Variants in GLIS1 observed in about 807,000 individuals in gnomAD.
The protein encoded by GLIS1 is GLIS family zinc finger 1, also known as zinc finger protein GLIS1.
In GLIS1, 24 loss-of-function variants were observed where a neutral mutation model predicts 63.8. The ratio of observed to expected loss-of-function variants is 0.38; its 90% confidence interval spans 0.27 to 0.53. GLIS1 has a LOEUF of 0.53. GLIS1 is among the 20% of genes least tolerant of loss of function. GLIS1 has a pLI of 0.85. For synonymous variants in GLIS1, 450 were observed against 482.5 expected (o/e 0.93, Z 0.88); for missense variants, 1,036 against 1,074.1 (o/e 0.96, Z 0.50).
chr1:53,715,667 C>T lies in GLIS1; in HGVS notation c.259+22139G>A, dbSNP rs527741652. 8.5e-5 allele frequency among the ~76,000 whole-genome samples: 13 copies of T among 152,114 alleles called. 1 individual carries two copies. In the South Asian group the frequency reaches 1.7e-3, roughly 20 times the overall value. ...CTGAGGCAGGGACGCCAGCAGGGGGCGGCAAGAAGGAGCTGCCGGTGCAGG... is the reference window on the plus strand; with the variant it reads ...CTGAGGCAGGGACGCCAGCAGGGGGTGGCAAGAAGGAGCTGCCGGTGCAGG... On this transcript the variant is annotated intron_variant, in intron 2 of 10. Coordinates refer to ENST00000628545, the MANE Select transcript of GLIS1 (RefSeq NM_001367484.1).
chr1:53,643,679 C>T (rs910669769), intron 2 of GLIS1, among the ~76,000 whole-genome samples: 2 of 152,172 alleles, frequency 1.3e-5, no homozygotes, highest in Admixed American at 6.5e-5. Flanking sequence ...TTCCACACCA[C>T]GAACATGAGC....
chr1:53,735,298 T>C (rs182150682), intron 2 of GLIS1, among the ~76,000 whole-genome samples: 119 of 152,340 alleles, frequency 7.8e-4, no homozygotes, highest in Non-Finnish European at 1.3e-3. Flanking sequence ...TTATCTCAAG[T>C]GTCACTGACC....
At chr1:53,738,338 C>T (rs1377869635) in intron 1 of GLIS1, among the ~76,000 whole-genome samples, 1 of 152,176 alleles carries the variant, frequency 6.6e-6, no homozygotes, top group African/African-American at 2.4e-5. Flanking sequence ...CCCAGGCCCC[C>T]GCGCCGCGGC....
intron 2 of GLIS1, among the ~76,000 whole-genome samples, chr1:53,651,135 T>C (rs1164412444): frequency 1.3e-5 from 2 of 152,222 alleles, no homozygotes; most frequent in Non-Finnish European, 2.9e-5. Context: ...TTATAATAAA[T>C]AGTTTGCACA....
rs1357994668 is a variant in GLIS1, at chr1:53,639,970, TAAC to T, written c.260-39695_260-39693del. On this transcript the variant is annotated intron_variant, in intron 2 of 10. Transcript: ENST00000628545. This position sits in a 1 kb window ranked among gnomAD's most constrained non-coding sequence, Gnocchi z 4.6. ...TCCACAGAAACAGGGATACTACACT[TAAC>T]AAACACGAGCATGGTGAGATTTAAA... is the stretch of plus-strand genomic sequence containing the variant. 2.0e-5 allele frequency among the ~76,000 whole-genome samples: 3 copies of T among 152,322 alleles called. No homozygotes were observed. The East Asian group carries it at 5.8e-4, about 29-fold the overall frequency.
At chr1:53,614,671 AG>A (rs937652831) in intron 2 of GLIS1, among the ~76,000 whole-genome samples, 1 of 152,192 alleles carries the variant, frequency 6.6e-6, no homozygotes, top group African/African-American at 2.4e-5. Context: ...CTTTGGGATT[AG>A]GGGTGTTAAA....
At chr1:53,558,182 C>T (rs938973487) in intron 4 of GLIS1, among the ~76,000 whole-genome samples, 2 of 152,208 alleles carry the variant, frequency 1.3e-5, no homozygotes, top group African/African-American at 2.4e-5. Context: ...TGCAACAGCA[C>T]GCAGGTGGGG....
intron 4 of GLIS1, among the ~76,000 whole-genome samples, chr1:53,548,002 A>G (rs1644721629): frequency 6.6e-6 from 1 of 152,022 alleles, no homozygotes; most frequent in Non-Finnish European, 1.5e-5. Flanking sequence ...ACAAATATTT[A>G]TTTTTCAAAA....
chr1:53,575,572 T>G (rs1287112027), intron 4 of GLIS1, among the ~76,000 whole-genome samples: 1 of 152,202 alleles, frequency 6.6e-6, no homozygotes, highest in East Asian at 1.9e-4. Flanking sequence ...CCTCAGGGTA[T>G]CCATCCCGTG....
At position 53,716,446 on chromosome 1, in the gene GLIS1, T is replaced by C. The variant is rs975987368; in HGVS notation, c.259+21360A>G. Among the ~76,000 whole-genome samples the C allele has an allele frequency of 2.0e-5, 3 of 152,146 alleles. No homozygotes were observed. In the South Asian group the frequency reaches 6.2e-4, roughly 32 times the overall value. On this transcript the variant is annotated intron_variant, in intron 2 of 10. Transcript: ENST00000628545. ...TATGGCCAGAGAGTCATCATCGGCA[T>C]GTCAGGAAAACCCTCAACCTGAAAG...
At chr1:53,614,005 A>G (rs1645452292) in intron 2 of GLIS1, among the ~76,000 whole-genome samples, 1 of 152,222 alleles carries the variant, frequency 6.6e-6, no homozygotes, top group South Asian at 2.1e-4. Flanking sequence ...AGGATTCAAA[A>G]TTCCATATAC....
intron 4 of GLIS1, among the ~76,000 whole-genome samples, chr1:53,570,220 A>T (rs759862270): frequency 6.6e-6 from 1 of 152,006 alleles, no homozygotes; most frequent in Non-Finnish European, 1.5e-5. Context: ...GGGCTCAAGC[A>T]ATCTTCCTAC....
At chr1:53,591,352 G>C (rs770881497) in intron 4 of GLIS1, among the ~76,000 whole-genome samples, 133 of 152,262 alleles carry the variant, frequency 8.7e-4, no homozygotes, top group Middle Eastern at 3.4e-3. Context: ...CCGAAGCCCA[G>C]ATCACTGCTG....
Position 53,646,998 on chromosome 1 carries a change from A to AAGGG in GLIS1, c.260-46724_260-46721dup, listed in dbSNP as rs948234745. 1.3e-5 allele frequency among the ~76,000 whole-genome samples: 2 copies of AAGGG among 150,940 alleles called. No homozygotes were observed. The highest frequency in any genetic ancestry group is 3.0e-5 in the Non-Finnish European group (2 of 67,756). On this transcript the variant is annotated intron_variant, in intron 2 of 10. Coordinates refer to ENST00000628545, the MANE Select transcript of GLIS1 (RefSeq NM_001367484.1). The surrounding 1 kb of genome is among the most constrained non-coding windows in gnomAD (Gnocchi z 4.2). Reference sequence around the variant, plus strand: ...AGGAAGGAAAGGAAGGAAAGGAAGGAAGGGAGGGATGAAGGAAAAGAAAAT... The same window carrying AAGGG: ...AGGAAGGAAAGGAAGGAAAGGAAGGAAGGGAGGGAGGGATGAAGGAAAAGAAAAT...
At chr1:53,736,433 C>T (rs1281276156) in intron 2 of GLIS1, among the ~76,000 whole-genome samples, 2 of 152,154 alleles carry the variant, frequency 1.3e-5, no homozygotes, top group African/African-American at 2.4e-5. Flanking sequence ...AAACACAGAA[C>T]GTTGCAGGAG....
rs76945924 is a variant in GLIS1 at position 53,693,988 on chromosome 1, G to A, written c.259+43818C>T. On this transcript the variant is annotated intron_variant, in intron 2 of 10. Transcript: ENST00000628545. ...AGCGCCTGCCTGGGCCAGGCCTGACGGTGGGCACTGGGCTCACGAAGAGGA... is the reference window on the plus strand; with the variant it reads ...AGCGCCTGCCTGGGCCAGGCCTGACAGTGGGCACTGGGCTCACGAAGAGGA... Among the ~76,000 whole-genome samples, 909 of 152,298 alleles carry A rather than the reference G, an allele frequency of 6.0e-3. 10 individuals are homozygous for A. The highest frequency in any genetic ancestry group is 0.021 in the African/African-American group (881 of 41,570).
At chr1:53,519,611 C>T (rs1644386077) in intron 7 of GLIS1, among the ~76,000 whole-genome samples, 1 of 152,180 alleles carries the variant, frequency 6.6e-6, no homozygotes, top group African/African-American at 2.4e-5. Context: ...GCCTAAGCCA[C>T]AAAGCCAGGA....
At chr1:53,728,086 G>A (rs774902203) in intron 2 of GLIS1, among the ~76,000 whole-genome samples, 1 of 152,096 alleles carries the variant, frequency 6.6e-6, no homozygotes, top group Non-Finnish European at 1.5e-5. Context: ...CTGGCCATAC[G>A]GGGTTCAAGG....
intron 2 of GLIS1, among the ~76,000 whole-genome samples, chr1:53,725,559 G>A (rs980451478): frequency 2.0e-5 from 3 of 152,126 alleles, no homozygotes; most frequent in Non-Finnish European, 4.4e-5. Flanking sequence ...CTGGAAACCC[G>A]GCCAGCCTGA....
Sources: gnomAD v4.1 joint callset for allele counts (sites outside exome capture counted in the v4.1 genomes callset) on GRCh38, gnomAD v4.1.1 for gene constraint, Gnocchi (gnomAD v3.1) non-coding constraint, MANE v1.5 for transcripts, NCBI Gene and HGNC (gene_info 2026-07-23, HGNC 2026-07-21) for gene names.